The following ATXN2 variants were observed in gnomAD, a reference collection of about 807,000 sequenced individuals.
ATXN2 encodes the protein ataxin-2.
Under a neutral mutation model 138.6 loss-of-function variants are expected in ATXN2, and 37 were observed. That is an observed-to-expected ratio of 0.27 (90% CI 0.21 to 0.35). ATXN2 has a LOEUF of 0.35. Ranked by LOEUF, ATXN2 falls within the 10% of genes least tolerant of loss-of-function variation. The pLI, the probability that ATXN2 is intolerant of heterozygous loss-of-function variation, is 1.00. For synonymous variants in ATXN2, 549 were observed against 543.7 expected, an observed-to-expected ratio of 1.01 and a Z score of -0.13; for missense variants, 1,216 against 1,480.3, an observed-to-expected ratio of 0.82 and a Z score of 2.93.
chr12:111,594,698 AAG>A lies in ATXN2; in HGVS notation c.251+4084_251+4085del, dbSNP rs1227053520. Among the ~76,000 whole-genome samples the A allele has an allele frequency of 9.8e-5, 15 of 152,306 alleles. No homozygotes were observed. The South Asian group carries it at 1.7e-3, about 17-fold the overall frequency. The stretch of plus-strand genomic sequence containing the variant: ...AATGGGGAAGGGAATGTAGAAGAAG[AAG>A]AGTCAACCAGCGAAAATTCCCAATA... On this transcript the variant is annotated intron_variant, in intron 1 of 24. Transcript: ENST00000673436.
intron 14 of ATXN2, among the ~76,000 whole-genome samples, chr12:111,489,465 T>C (rs1877874108): frequency 6.6e-6 from 1 of 151,862 alleles, no homozygotes; most frequent in Non-Finnish European, 1.5e-5. Flanking sequence ...ATACAAAAAT[T>C]AGCCAGGCAT....
intron 1 of ATXN2, among the ~76,000 whole-genome samples, chr12:111,558,949 C>T (rs1566063462): frequency 3.3e-5 from 1 of 30,722 alleles, no homozygotes; most frequent in Admixed American, 6.0e-4. Flanking sequence ...ACACAATTTC[C>T]CTTAAAAAAA....
intron 1 of ATXN2, among the ~76,000 whole-genome samples, chr12:111,586,511 G>A (rs1192462260): frequency 4.7e-5 from 7 of 148,904 alleles, no homozygotes; most frequent in Admixed American, 1.4e-4. Context: ...TCAGCCTCCC[G>A]AGTAGCTGGG....
At chr12:111,481,916 C>A (rs991925025) in intron 18 of ATXN2, among the ~76,000 whole-genome samples, 11 of 152,132 alleles carry the variant, frequency 7.2e-5, no homozygotes, top group South Asian at 2.1e-4. Flanking sequence ...CCCACCTCAG[C>A]CTCCCAGACT....
intron 21 of ATXN2, 197 bp from the exon 22 acceptor site, chr12:111,457,556 T>C (rs1222800527): frequency 9.0e-6 from 5 of 558,412 alleles, no homozygotes; most frequent in Non-Finnish European, 1.5e-5. Context: ...AGACTAGCAT[T>C]TGGTTCATAT....
At chr12:111,572,765 G>C (rs535859243) in intron 1 of ATXN2, among the ~76,000 whole-genome samples, 1 of 152,212 alleles carries the variant, frequency 6.6e-6, no homozygotes, top group Admixed American at 6.5e-5. Flanking sequence ...CTGAAGTCTT[G>C]TTCAGTGTCC....
chr12:111,472,019 CT>C (rs2135676079), intron 18 of ATXN2: 2 of 152,292 alleles, frequency 1.3e-5, no homozygotes, highest in South Asian at 4.1e-4. Context: ...AATCCCTACA[CT>C]TTAGGAGGCC....
At chr12:111,513,239 TCTA>T (rs879537489) in intron 11 of ATXN2, 115 bp downstream of exon 11, 52 of 1,161,598 alleles carry the variant, frequency 4.5e-5, no homozygotes, top group Non-Finnish European at 5.5e-5. Flanking sequence ...TCCTGGTGAT[TCTA>T]CTATTTTTAA....
At chr12:111,475,221 A>AC (rs1876712059) in intron 18 of ATXN2, among the ~76,000 whole-genome samples, 1 of 151,148 alleles carries the variant, frequency 6.6e-6, no homozygotes, top group Non-Finnish European at 1.5e-5. Context: ...CTCAAAAAAA[A>AC]AAGGCTGGGC....
intron 14 of ATXN2, among the ~76,000 whole-genome samples, chr12:111,507,528 G>A (rs1160252631): frequency 4.6e-5 from 7 of 150,946 alleles, no homozygotes; most frequent in Admixed American, 1.3e-4. Flanking sequence ...CGCCCCATCC[G>A]GGAGGGAGGT....
intron 21 of ATXN2, among the ~76,000 whole-genome samples, chr12:111,463,703 G>A (rs1449040413): frequency 6.6e-6 from 1 of 152,214 alleles, no homozygotes; most frequent in Non-Finnish European, 1.5e-5. Context: ...CAGGTGGGGA[G>A]AGGGGACCTG....
chr12:111,455,692 T>A, intron 23 of ATXN2: 1 of 380,988 alleles, frequency 2.6e-6, no homozygotes, highest in Non-Finnish European at 5.0e-6. Flanking sequence ...TGTAGGGGAA[T>A]ATATATGTAC....
chr12:111,483,977 G>A (rs897161869), intron 18 of ATXN2, among the ~76,000 whole-genome samples: 1 of 151,752 alleles, frequency 6.6e-6, no homozygotes, highest in Non-Finnish European at 1.5e-5. Context: ...TGCAGAGATA[G>A]GTTTTTGCCA....
chr12:111,578,991 T>A (rs1028892199), intron 1 of ATXN2, among the ~76,000 whole-genome samples: 1 of 151,998 alleles, frequency 6.6e-6, no homozygotes, highest in African/African-American at 2.4e-5. Flanking sequence ...TCAGACAATA[T>A]CGCACCACTG....
At position 111,453,349 on chromosome 12, in the gene ATXN2, C is replaced by A. The variant is rs1874815113; in HGVS notation, c.3439+328G>T. 9.1e-7 allele frequency: 1 copy of A among 1,102,106 alleles called. No homozygotes were observed. Among genetic ancestry groups the A allele is most frequent in the Admixed American group, 5.0e-5 (1 of 20,070 alleles). The allele number at this position is 1,102,106 out of a possible 1,614,324, so 68.3% of individuals were successfully genotyped here. ...CCCCCCACATGTCAGACTTTTGGGA[C>A]TCAGGAAGGAAAACACTGCCCTGTC... On this transcript the variant is annotated intron_variant, in intron 24 of 24. Coordinates refer to ENST00000673436, the MANE Select transcript of ATXN2 (RefSeq NM_001372574.1). The surrounding 1 kb of genome is among the most constrained non-coding windows in gnomAD (Gnocchi z 5.4).
chr12:111,569,438 G>GA (rs1382050578), intron 1 of ATXN2, among the ~76,000 whole-genome samples: 2 of 151,796 alleles, frequency 1.3e-5, no homozygotes, highest in African/African-American at 2.4e-5. Flanking sequence ...TAGTAAAGGA[G>GA]AAAAAAAAGG....
Position 111,481,225 on chromosome 12 carries a change from G to A in ATXN2, c.2524+4040C>T, listed in dbSNP as rs568310813. On this transcript the variant is annotated intron_variant, in intron 18 of 24. Transcript: ENST00000673436. ...CTCTGGAGGCTGACGCAGGGGGATC[G>A]CTTGAGCTCAGGAATTCGAGACCAG... 3.3e-5 allele frequency among the ~76,000 whole-genome samples: 5 copies of A among 152,178 alleles called. No homozygotes were observed. The East Asian group carries it at 5.8e-4, about 18-fold the overall frequency.
At chr12:111,580,513 GAA>G (rs771331354) in intron 1 of ATXN2, among the ~76,000 whole-genome samples, 3 of 105,834 alleles carry the variant, frequency 2.8e-5, no homozygotes, top group Non-Finnish European at 4.1e-5. Flanking sequence ...CTCCAAAAAA[GAA>G]AAAAAAAAAA....
intron 1 of ATXN2, among the ~76,000 whole-genome samples, chr12:111,591,505 AC>A (rs1884664260): frequency 1.3e-5 from 2 of 151,984 alleles, no homozygotes; most frequent in Non-Finnish European, 2.9e-5. Flanking sequence ...CCCTGTCTCT[AC>A]AAAAAATTTA....
Sources: allele counts gnomAD v4.1 joint callset (sites outside exome capture counted in the v4.1 genomes callset), GRCh38; gene constraint gnomAD v4.1.1; non-coding constraint Gnocchi (gnomAD v3.1); transcripts MANE v1.5; gene names NCBI Gene and HGNC (gene_info 2026-07-23, HGNC 2026-07-21).